The following PLOD1 variants were observed in gnomAD, a reference collection of about 807,000 sequenced individuals.
PLOD1 encodes the protein procollagen-lysine,2-oxoglutarate 5-dioxygenase 1.
PLOD1 carries 70 observed loss-of-function variants against 94.7 expected under a neutral mutation model. That is an observed-to-expected ratio of 0.74 (90% CI 0.61 to 0.90). The LOEUF is 0.90. Among genes scored for constraint, PLOD1 ranks in the 40% least tolerant of loss-of-function variants. The pLI, the probability that PLOD1 is intolerant of heterozygous loss-of-function variation, is 0.00. For synonymous variants in PLOD1, 417 were observed against 400.2 expected, an observed-to-expected ratio of 1.04 and a Z score of -0.50; for missense variants, 905 against 972.7, an observed-to-expected ratio of 0.93 and a Z score of 0.93.
At chr1:11,964,889 C>T (rs1645805144) in intron 13 of PLOD1, 104 bp downstream of exon 13, 3 of 1,253,216 alleles carry the variant, frequency 2.4e-6, no homozygotes, top group Non-Finnish European at 3.5e-6. Context: ...CACCGTAGGC[C>T]TGGGAGCTCC....
At chr1:11,960,600 GTCC>G (rs752755933) in intron 9 of PLOD1, 43 bp from the exon 10 acceptor site, 8 of 1,371,208 alleles carry the variant, frequency 5.8e-6, no homozygotes, top group Admixed American at 5.0e-5. Flanking sequence ...TGGAAGCTGT[GTCC>G]TCCTCCTCAC....
rs1645565155 is a variant in PLOD1 at position 11,934,737 on chromosome 1, GCGAGCGCCGCC to G, written c.-42_-32del. The stretch of plus-strand genomic sequence containing the variant: ...GCCCCGTCGCGAAGTTTCCAGCCCT[GCGAGCGCCGCC>G]GGGTCGGCCGATCGTCCCCCATACC... On this transcript the variant is annotated 5_prime_UTR_variant, in exon 1 of 19. Coordinates refer to ENST00000196061, the MANE Select transcript of PLOD1 (RefSeq NM_000302.4). 1 of 1,518,168 alleles carries G rather than the reference GCGAGCGCCGCC, an allele frequency of 6.6e-7. No individual in the cohort carries two copies. The highest frequency in any genetic ancestry group is 8.8e-7 in the Non-Finnish European group (1 of 1,140,014). 94.0% of individuals were successfully genotyped at this position (1,518,168 alleles called of 1,614,324 possible). A position where few individuals can be genotyped will look rare whatever the true frequency, so the allele number is the denominator to read the frequency against.
At chr1:11,951,118 C>G (rs981707121) in intron 4 of PLOD1, among the ~76,000 whole-genome samples, 2 of 152,156 alleles carry the variant, frequency 1.3e-5, no homozygotes, top group Admixed American at 1.3e-4. Flanking sequence ...TCCTAAAGAT[C>G]TCTGGAATCT....
intron 9 of PLOD1, among the ~76,000 whole-genome samples, chr1:11,959,168 G>A (rs567027528): frequency 5.3e-5 from 8 of 151,760 alleles, no homozygotes; most frequent in Non-Finnish European, 1.2e-4. Context: ...TTGCGCCATT[G>A]CACTCCAGCC....
Position 11,957,772 on chromosome 1 carries a change from G to A in PLOD1, c.742-70G>A, listed in dbSNP as rs1645748926. On this transcript the variant is annotated intron_variant, in intron 7 of 18. Coordinates refer to ENST00000196061, the MANE Select transcript of PLOD1 (RefSeq NM_000302.4). The surrounding 1 kb of genome is among the most constrained non-coding windows in gnomAD (Gnocchi z 4.1). ...TGGTGCTGACCCACTGGGGGCCCAG[G>A]GAGATGTGAGTCAGGGCTATGGCAG... 2.0e-6 allele frequency: 2 copies of A among 1,014,572 alleles called. No individual in the cohort carries two copies. The allele number at this position is 1,014,572 out of a possible 1,614,324, so 62.8% of individuals were successfully genotyped here.
At chr1:11,969,012 C>T (rs574560172) in intron 16 of PLOD1, among the ~76,000 whole-genome samples, 123 of 150,642 alleles carry the variant, frequency 8.2e-4, no homozygotes, top group African/African-American at 2.9e-3. Flanking sequence ...TGCTGGCCAC[C>T]ATGCCTAATT....
rs1645711556 is a variant in PLOD1 at position 11,952,695 on chromosome 1, A to G, written c.539A>G (p.Gln180Arg). 1 of 1,614,056 alleles carries G rather than the reference A, an allele frequency of 6.2e-7. No homozygotes were observed. Among genetic ancestry groups the G allele is most frequent in the Admixed American group, 1.7e-5 (1 of 60,014 alleles). ...EWEGQDSDSD[Q>R]LFYTKIFLDP... Reference sequence around the variant, plus strand: ...GAGGGCCAGGACAGCGACAGCGATCAGCTGTTTTACACCAAGATCTTCTTG... The same window carrying G: ...GAGGGCCAGGACAGCGACAGCGATCGGCTGTTTTACACCAAGATCTTCTTG... The change falls in exon 5 of 19, where the codon CAG becomes CGG. Residue 180 changes from glutamine (Q) to arginine (R), a missense_variant. By Grantham distance (43) the Gln-to-Arg change is conservative. Transcript: ENST00000196061.
chr1:11,962,506 G>GACCTCGTGATCCATCC (rs1553135819), intron 10 of PLOD1, among the ~76,000 whole-genome samples: 1 of 149,202 alleles, frequency 6.7e-6, no homozygotes. Context: ...TCGATCTCCT[G>GACCTCGTGATCCATCC]ACCTCGTGAT....
chr1:11,956,773 G>T, intron 6 of PLOD1, 144 bp from the exon 7 acceptor site: 1 of 711,906 alleles, frequency 1.4e-6, no homozygotes. Context: ...TTTTATAGAT[G>T]AGGAAACTGA....
rs1183699795 is a variant in PLOD1, at chr1:11,957,076, C to G, written c.741+62C>G. ...GGCCAGAGCCCTAATTTCATTCTCA[C>G]TGTGACCCCACAGTGTCTCCCTGGG... On this transcript the variant is annotated intron_variant, in intron 7 of 18. Coordinates refer to ENST00000196061, the MANE Select transcript of PLOD1 (RefSeq NM_000302.4). This position sits in a 1 kb window ranked among gnomAD's most constrained non-coding sequence, Gnocchi z 4.1. The G allele has an allele frequency of 3.6e-6, 4 of 1,101,568 alleles. No homozygotes were observed. Among genetic ancestry groups the G allele is most frequent in the South Asian group, 2.5e-5 (2 of 80,858 alleles). 68.2% of individuals were successfully genotyped at this position (1,101,568 alleles called of 1,614,324 possible).
Position 11,934,761 on chromosome 1 carries a change from C to G in PLOD1, c.-19C>G. 1 of 1,525,702 alleles carries G rather than the reference C, an allele frequency of 6.6e-7. No homozygotes were observed. The highest frequency in any genetic ancestry group is 1.2e-5 in the South Asian group (1 of 82,278). The allele number at this position is 1,525,702 out of a possible 1,614,324, so 94.5% of individuals were successfully genotyped here. A position where few individuals can be genotyped will look rare whatever the true frequency, so the allele number is the denominator to read the frequency against. On this transcript the variant is annotated 5_prime_UTR_variant, in exon 1 of 19. In the 5' UTR this introduces an upstream ATG that the reference lacks. Transcript: ENST00000196061. ...TGCGAGCGCCGCCGGGTCGGCCGAT[C>G]GTCCCCCATACCTCGGCCATGCGGC...
Position 11,963,396 on chromosome 1 carries a change from C to T in PLOD1, c.1098-136C>T, listed in dbSNP as rs1481075517. The T allele has an allele frequency of 7.2e-6, 5 of 693,408 alleles. No individual in the cohort carries two copies. In the Admixed American group the frequency reaches 8.1e-5, roughly 11 times the overall value. 43.0% of individuals were successfully genotyped at this position (693,408 alleles called of 1,614,324 possible). On this transcript the variant is annotated intron_variant, in intron 10 of 18. Transcript: ENST00000196061. The surrounding 1 kb of genome is among the most constrained non-coding windows in gnomAD (Gnocchi z 4.3). The stretch of plus-strand genomic sequence containing the variant: ...GTTTGGGACTCAGAGTCGGGAGGAA[C>T]CTTTGAGGCTGCTGGTGTGACCTCT...
chr1:11,945,877 T>G (rs1012156462), intron 1 of PLOD1, among the ~76,000 whole-genome samples: 1 of 151,812 alleles, frequency 6.6e-6, no homozygotes, highest in Non-Finnish European at 1.5e-5. Context: ...CCCAGCTAAT[T>G]TTTGTATTTT....
In PLOD1 at chr1:11,973,001, A is replaced by G; in HGVS notation, c.2028+4A>G. 1 of 1,613,806 alleles carries G rather than the reference A, an allele frequency of 6.2e-7. No homozygotes were observed. Among genetic ancestry groups the G allele is most frequent in the East Asian group, 2.2e-5 (1 of 44,874 alleles). ...CCGAGTCGGGGTGGATTACGAGGTGAGCAGGAGCCAGCCGGGGTCAAGGGG... is the reference window on the plus strand; with the variant it reads ...CCGAGTCGGGGTGGATTACGAGGTGGGCAGGAGCCAGCCGGGGTCAAGGGG... On this transcript the variant is annotated splice_donor_region_variant and intron_variant, in intron 18 of 18. Coordinates refer to ENST00000196061, the MANE Select transcript of PLOD1 (RefSeq NM_000302.4).
At position 11,963,773 on chromosome 1, in the gene PLOD1, C is replaced by G; in HGVS notation, c.1202+137C>G. ...TTTTCCTTCTCCTGCTCCTCTTTCT[C>G]CTCCTCGTCTTCCTCCTTGTCTTCC... On this transcript the variant is annotated intron_variant, in intron 11 of 18. Transcript: ENST00000196061. This position sits in a 1 kb window ranked among gnomAD's most constrained non-coding sequence, Gnocchi z 4.3. 1.4e-6 allele frequency: 1 copy of G among 701,166 alleles called. No homozygotes were observed. The highest frequency in any genetic ancestry group is 1.5e-5 in the South Asian group (1 of 66,988). 43.4% of individuals were successfully genotyped at this position (701,166 alleles called of 1,614,324 possible).
In PLOD1 at chr1:11,972,646, T is replaced by G; in HGVS notation, c.1903-226T>G. ...CCCTTCCTTTCTTCCTTCCCCTCTG[T>G]TCTCTTCCTTCCCTCCCTCTCTCCC... On this transcript the variant is annotated intron_variant, in intron 17 of 18. Coordinates refer to ENST00000196061, the MANE Select transcript of PLOD1 (RefSeq NM_000302.4). This position sits in a 1 kb window ranked among gnomAD's most constrained non-coding sequence, Gnocchi z 4.6. The G allele has an allele frequency of 2.0e-6, 1 of 498,306 alleles. No homozygotes were observed. Among genetic ancestry groups the G allele is most frequent in the Non-Finnish European group, 3.7e-6 (1 of 269,926 alleles). The allele number at this position is 498,306 out of a possible 1,614,324, so 30.9% of individuals were successfully genotyped here. A position where few individuals can be genotyped will look rare whatever the true frequency, so the allele number is the denominator to read the frequency against.
In PLOD1 at chr1:11,950,507, C is replaced by A; in HGVS notation, c.453C>A (p.Phe151Leu). The A allele has an allele frequency of 6.2e-7, 1 of 1,613,986 alleles. No individual in the cohort carries two copies. The highest frequency in any genetic ancestry group is 1.1e-5 in the South Asian group (1 of 91,072). ...CGGTGGTGTCCGATGGCAAGAGGTT[C>A]CTGGGCTCTGGAGGTGAGAGGCCTG... is the stretch of plus-strand genomic sequence containing the variant. ...KYPVVSDGKR[F>L]LGSGGFIGYA... Residue 151 changes from phenylalanine (F) to leucine (L), a missense_variant, in exon 4 of 19, where the codon TTC (phenylalanine) becomes TTA (leucine). By Grantham distance (22) the Phe-to-Leu change is conservative. Transcript: ENST00000196061.
intron 1 of PLOD1, 50 bp from the exon 2 acceptor site, chr1:11,947,926 C>A: frequency 4.2e-6 from 5 of 1,204,422 alleles, no homozygotes; most frequent in African/African-American, 3.0e-5. Context: ...TCCTCCCTGT[C>A]ACCTCCCTCA....
Position 11,958,438 on chromosome 1 carries a change from C to T in PLOD1, c.844-78C>T. On this transcript the variant is annotated intron_variant, in intron 8 of 18. Transcript: ENST00000196061. The surrounding 1 kb of genome is among the most constrained non-coding windows in gnomAD (Gnocchi z 4.3). Reference sequence around the variant, plus strand: ...ATGCTTCTGATTCTGGCTCTGACTCCCTTGGGCCACCCTGGGGTGGAGTGG... The same window carrying T: ...ATGCTTCTGATTCTGGCTCTGACTCTCTTGGGCCACCCTGGGGTGGAGTGG... 6.5e-7 allele frequency: 1 copy of T among 1,546,532 alleles called. No homozygotes were observed. The highest frequency in any genetic ancestry group is 8.8e-7 in the Non-Finnish European group (1 of 1,129,972).
Sources: allele counts gnomAD v4.1 joint callset (sites outside exome capture counted in the v4.1 genomes callset), GRCh38; gene constraint gnomAD v4.1.1; non-coding constraint Gnocchi (gnomAD v3.1); transcripts MANE v1.5; gene names NCBI Gene and HGNC (gene_info 2026-07-23, HGNC 2026-07-21).